PTPRD: variants seen among roughly 807,000 people sequenced by gnomAD.
PTPRD encodes the protein protein tyrosine phosphatase receptor type D.
In PTPRD, 34 loss-of-function variants were observed where a neutral mutation model predicts 214.5. The observed-to-expected ratio is 0.16, with a 90% CI of 0.12 to 0.21. PTPRD has a LOEUF of 0.21. Among genes scored for constraint, PTPRD ranks in the 10% least tolerant of loss-of-function variants. PTPRD has a pLI of 1.00. For synonymous variants in PTPRD, 1,128 were observed against 845.7 expected (o/e 1.33, Z -5.79); for missense variants, 2,545 against 2,398.7 (o/e 1.06, Z -1.27).
At chr9:10,530,822 G>A (rs979502799) in intron 2 of PTPRD, among the ~76,000 whole-genome samples, 2 of 152,016 alleles carry the variant, frequency 1.3e-5, no homozygotes, top group Non-Finnish European at 2.9e-5. Context: ...AAATAAACAG[G>A]AGAATAGTGA....
At chr9:9,834,718 C>A (rs559757934) in intron 5 of PTPRD, among the ~76,000 whole-genome samples, 7 of 152,036 alleles carry the variant, frequency 4.6e-5, no homozygotes, top group African/African-American at 1.4e-4. Flanking sequence ...AGTACAGCCA[C>A]CTAAGATTTT....
intron 3 of PTPRD, among the ~76,000 whole-genome samples, chr9:10,196,355 T>C (rs2099398154): frequency 6.6e-6 from 1 of 152,116 alleles, no homozygotes; most frequent in South Asian, 2.1e-4. Context: ...AATTTGTCAA[T>C]ATATGTAAAG....
chr9:9,503,863 C>T (rs562448988), intron 8 of PTPRD, among the ~76,000 whole-genome samples: 1 of 151,786 alleles, frequency 6.6e-6, no homozygotes, highest in East Asian at 1.9e-4. Context: ...AGGCCATTGC[C>T]ACCTTACATA....
intron 4 of PTPRD, among the ~76,000 whole-genome samples, chr9:9,941,892 C>T (rs2382085): frequency 0.09 from 13,763 of 152,138 alleles, 1,283 homozygotes; most frequent in East Asian, 0.28. Context: ...TAGTTATTAG[C>T]TAACTATGAC....
rs1397517388 is a variant in PTPRD at position 9,071,286 on chromosome 9, C to T, written c.-142-52551G>A. On this transcript the variant is annotated intron_variant, in intron 10 of 45. Transcript: ENST00000381196. ...AGTTTGGACAAGGCACACAACTTCT[C>T]ATTAGTAAATATGGCAAAGGTGAAG... Among the ~76,000 whole-genome samples, 6 of 152,138 alleles carry T rather than the reference C, an allele frequency of 3.9e-5. No homozygotes were observed. The South Asian group carries it at 1.2e-3, about 32-fold the overall frequency.
intron 2 of PTPRD, among the ~76,000 whole-genome samples, chr9:10,507,588 T>C (rs1484950959): frequency 6.6e-6 from 1 of 152,052 alleles, no homozygotes; most frequent in African/African-American, 2.4e-5. Flanking sequence ...ATGCCACTGG[T>C]ACCAAAACAG....
At chr9:9,090,139 T>C (rs886932420) in intron 10 of PTPRD, among the ~76,000 whole-genome samples, 8 of 152,204 alleles carry the variant, frequency 5.3e-5, no homozygotes, top group Non-Finnish European at 8.8e-5. Context: ...GTCACCTTAC[T>C]GTGCTATTGA....
intron 12 of PTPRD, among the ~76,000 whole-genome samples, chr9:8,717,410 A>G (rs1386139178): frequency 1.3e-5 from 2 of 152,166 alleles, no homozygotes; most frequent in Non-Finnish European, 2.9e-5. Context: ...TAAGTTTTGT[A>G]TAGGGTCCTT....
chr9:10,122,274 C>T (rs1209966170), intron 3 of PTPRD, among the ~76,000 whole-genome samples: 1 of 152,126 alleles, frequency 6.6e-6, no homozygotes, highest in Non-Finnish European at 1.5e-5. Context: ...TGTCACTGCA[C>T]TCCAGCCTTG....
At chr9:10,579,193 C>T (rs528740890) in intron 2 of PTPRD, among the ~76,000 whole-genome samples, 1 of 152,088 alleles carries the variant, frequency 6.6e-6, no homozygotes, top group Admixed American at 6.6e-5. Context: ...AAGCTGGAAG[C>T]CATCATTCTC....
intron 11 of PTPRD, among the ~76,000 whole-genome samples, chr9:8,843,247 C>T (rs2097600618): frequency 6.6e-6 from 1 of 152,184 alleles, no homozygotes; most frequent in African/African-American, 2.4e-5. Context: ...CGGGCTGGTA[C>T]AAAATCAAAG....
At position 9,272,261 on chromosome 9, in the gene PTPRD, G is replaced by A. The variant is rs544299177; in HGVS notation, c.-202-88898C>T. 4.0e-5 allele frequency among the ~76,000 whole-genome samples: 6 copies of A among 151,258 alleles called. No homozygotes were observed. The East Asian group carries it at 1.2e-3, about 30-fold the overall frequency. On this transcript the variant is annotated intron_variant, in intron 9 of 45. Transcript: ENST00000381196. ...AATCATTTTTAAAGGCAGTCACTGAGAGATTGATATGCAGGCACACTTTAA... is the reference window on the plus strand; with the variant it reads ...AATCATTTTTAAAGGCAGTCACTGAAAGATTGATATGCAGGCACACTTTAA...
At chr9:9,871,428 A>T (rs2065391641) in intron 5 of PTPRD, among the ~76,000 whole-genome samples, 1 of 152,188 alleles carries the variant, frequency 6.6e-6, no homozygotes, top group Admixed American at 6.5e-5. Context: ...CTGATATTTT[A>T]CTGCAATATC....
At chr9:9,701,232 G>A (rs1337314560) in intron 7 of PTPRD, among the ~76,000 whole-genome samples, 1 of 151,988 alleles carries the variant, frequency 6.6e-6, no homozygotes, top group Non-Finnish European at 1.5e-5. Context: ...TGAAAACTTA[G>A]AGCAAATAAC....
intron 3 of PTPRD, among the ~76,000 whole-genome samples, chr9:10,244,729 A>G (rs2091784790): frequency 1.3e-5 from 2 of 152,172 alleles, no homozygotes; most frequent in South Asian, 4.1e-4. Context: ...CTGAAGTTCA[A>G]ACAATATTTA....
intron 37 of PTPRD, among the ~76,000 whole-genome samples, chr9:8,383,445 C>G (rs568389057): frequency 3.6e-4 from 55 of 152,288 alleles, no homozygotes; most frequent in African/African-American, 1.3e-3. Flanking sequence ...TTCATTAGCA[C>G]AAACCACAAA....
At chr9:8,415,354 G>A (rs774731144) in intron 35 of PTPRD, among the ~76,000 whole-genome samples, 39 of 152,108 alleles carry the variant, frequency 2.6e-4, no homozygotes, top group Non-Finnish European at 4.7e-4. Flanking sequence ...TAAGCTGGCT[G>A]GATATGTATT....
intron 9 of PTPRD, among the ~76,000 whole-genome samples, chr9:9,377,386 C>A (rs1021582570): frequency 2.0e-5 from 3 of 151,994 alleles, no homozygotes; most frequent in African/African-American, 7.3e-5. Flanking sequence ...CATCAAGCAT[C>A]TTAAATTAAA....
intron 3 of PTPRD, among the ~76,000 whole-genome samples, chr9:10,205,823 T>G (rs574976913): frequency 3.6e-4 from 55 of 152,310 alleles, no homozygotes; most frequent in Non-Finnish European, 5.9e-4. Flanking sequence ...AATGTGATAC[T>G]ATAACTTTAA....
Sources: allele counts gnomAD v4.1 joint callset (sites outside exome capture counted in the v4.1 genomes callset), GRCh38; gene constraint gnomAD v4.1.1; transcripts MANE v1.5; gene names NCBI Gene and HGNC (gene_info 2026-07-23, HGNC 2026-07-21).